Variants in FAM200B observed in about 807,000 individuals in gnomAD.
FAM200B encodes the protein zinc finger BED-type containing 11, also known as protein FAM200B.
FAM200B carries 32 observed loss-of-function variants against 33.1 expected under a neutral mutation model. The observed-to-expected ratio is 0.97, with a 90% CI of 0.73 to 1.30. FAM200B has a LOEUF of 1.30. FAM200B is among the 50% of genes most tolerant of loss of function. The probability of loss-of-function intolerance (pLI) is 0.00; values close to 1 mark genes in which losing one functional copy is unlikely to be tolerated. For missense variants in FAM200B, 741 were observed against 754.0 expected, an observed-to-expected ratio of 0.98 and a Z score of 0.20; for synonymous variants, 240 against 264.8, an observed-to-expected ratio of 0.91 and a Z score of 0.91.
chr4:15,658,064 T>C, the FAM200B span, among the ~76,000 whole-genome samples: 3 of 152,216 alleles, frequency 2.0e-5, no homozygotes, highest in African/African-American at 4.8e-5. Context: ...ATATAACTTA[T>C]TCTGTTATCA....
chr4:15,675,993 T>G, the FAM200B span, among the ~76,000 whole-genome samples: 17 of 151,892 alleles, frequency 1.1e-4, no homozygotes, highest in Admixed American at 1.0e-3. Flanking sequence ...TTAAAAGGAG[T>G]GAGAGGTGAA....
At chr4:15,686,043 A>G (rs574654210) in intron 1 of FAM200B, among the ~76,000 whole-genome samples, 193 bp from the exon 2 acceptor site, 1 of 152,210 alleles carries the variant, frequency 6.6e-6, no homozygotes, top group South Asian at 2.1e-4. Flanking sequence ...CTATTTTTCT[A>G]TTTACTAATC....
At chr4:15,684,047 A>G (rs1238022640) in intron 1 of FAM200B, among the ~76,000 whole-genome samples, 2 of 152,236 alleles carry the variant, frequency 1.3e-5, no homozygotes, top group Non-Finnish European at 2.9e-5. Context: ...CTTAATTGCA[A>G]TTCTTAAGGG....
the FAM200B span, among the ~76,000 whole-genome samples, chr4:15,655,878 G>A: frequency 6.6e-6 from 1 of 152,212 alleles, no homozygotes; most frequent in Non-Finnish European, 1.5e-5. Flanking sequence ...CCACTCAAAG[G>A]CCGGGCCTGG....
At position 15,687,532 on chromosome 4, in the gene FAM200B, T is replaced by C. The variant is rs1182741411; in HGVS notation, c.555T>C (p.Asp185=). 1 of 1,550,678 alleles carries C rather than the reference T, an allele frequency of 6.4e-7. No homozygotes were observed. Among genetic ancestry groups the C allele is most frequent in the Non-Finnish European group, 8.7e-7 (1 of 1,146,530 alleles). ...CLDMVRTIFD[D]KSADKLKTIP... is the part of the protein sequence containing the mutation. The stretch of plus-strand genomic sequence containing the variant: ...ATATGGTGCGTACAATATTTGATGA[T>C]AAATCAGCTGATAAATTAAAAACTA... The change falls in exon 2 of 2, where the codon GAT becomes GAC. Residue 185 remains aspartate, a synonymous_variant. Transcript: ENST00000422728.
Position 15,688,339 on chromosome 4 carries a change from C to G in FAM200B, c.1362C>G (p.Phe454Leu). Reference sequence around the variant, plus strand: ...TACAGGGGAAAAACAGTGATGTATTCCAACATGTTGAACGTATCCAGGGAT... The same window carrying G: ...TACAGGGGAAAAACAGTGATGTATTGCAACATGTTGAACGTATCCAGGGAT... Reference protein sequence around the residue: ...LKLQGKNSDVFQHVERIQGFR... With the variant: ...LKLQGKNSDVLQHVERIQGFR... Residue 454 changes from phenylalanine to leucine, a missense_variant, in exon 2 of 2, where the codon TTC (phenylalanine) becomes TTG (leucine). Phe to Leu is a conservative substitution (Grantham distance 22). Coordinates refer to ENST00000422728, the MANE Select transcript of FAM200B (RefSeq NM_001145191.2). 6.5e-7 allele frequency: 1 copy of G among 1,550,240 alleles called. No homozygotes were observed. Among genetic ancestry groups the G allele is most frequent in the African/African-American group, 1.4e-5 (1 of 73,104 alleles).
At chr4:15,665,644 C>T in the FAM200B span, among the ~76,000 whole-genome samples, 3 of 152,042 alleles carry the variant, frequency 2.0e-5, no homozygotes, top group African/African-American at 7.3e-5. Context: ...ATACTAGAGC[C>T]CCGACATGTT....
the FAM200B span, among the ~76,000 whole-genome samples, chr4:15,651,235 TA>T: frequency 6.6e-6 from 1 of 152,106 alleles, no homozygotes; most frequent in African/African-American, 2.4e-5. Context: ...CTGTTTTGCA[TA>T]AAATCATAGA....
Position 15,687,376 on chromosome 4 carries a change from A to G in FAM200B, c.399A>G (p.Thr133=), listed in dbSNP as rs1327014106. 3.2e-6 allele frequency: 5 copies of G among 1,547,124 alleles called. No homozygotes were observed. The East Asian group carries it at 1.2e-4, about 38-fold the overall frequency. Residue 133 remains threonine (T), a synonymous_variant, in exon 2 of 2, where the codon ACA becomes ACG. Coordinates refer to ENST00000422728, the MANE Select transcript of FAM200B (RefSeq NM_001145191.2). Reference sequence around the variant, plus strand: ...AGAAAAAAGACATAAAGTTATCAACACAATTTCTTAGTTGTTCTACTGCTG... The same window carrying G: ...AGAAAAAAGACATAAAGTTATCAACGCAATTTCTTAGTTGTTCTACTGCTG... ...QRKKKDIKLS[T]QFLSCSTAVS...
In FAM200B at chr4:15,687,849, G is replaced by A. The variant is rs1260471119; in HGVS notation, c.872G>A (p.Cys291Tyr). 5 of 1,551,152 alleles carry A rather than the reference G, an allele frequency of 3.2e-6. No homozygotes were observed. The Admixed American group carries it at 5.9e-5, about 18-fold the overall frequency. ...VGQYKLNWKN[C>Y]KGITSDGTAT... ...CAATATAAATTAAACTGGAAAAACT[G>A]TAAAGGAATTACAAGTGATGGCACA... Residue 291 changes from cysteine to tyrosine, a missense_variant, in exon 2 of 2, where the codon TGT becomes TAT. By Grantham distance (194) the Cys-to-Tyr change is radical. Coordinates refer to ENST00000422728, the MANE Select transcript of FAM200B (RefSeq NM_001145191.2).
intron 1 of FAM200B, chr4:15,685,054 T>C (rs1007243179): frequency 6.6e-6 from 1 of 152,112 alleles, no homozygotes; most frequent in Non-Finnish European, 1.5e-5. Context: ...GTCTGCAAAA[T>C]AATTGTATTA....
the FAM200B span, among the ~76,000 whole-genome samples, chr4:15,657,043 T>A: frequency 4.6e-5 from 7 of 152,188 alleles, no homozygotes; most frequent in Non-Finnish European, 7.4e-5. Context: ...AGAATAATAA[T>A]AAAATATTTG....
the FAM200B span, among the ~76,000 whole-genome samples, chr4:15,665,176 G>A: frequency 3.9e-5 from 6 of 152,140 alleles, no homozygotes; most frequent in South Asian, 2.1e-4. Context: ...AGCTGCCAAT[G>A]TAGGAAAGAA....
At chr4:15,669,648 A>G in the FAM200B span, among the ~76,000 whole-genome samples, 3 of 152,172 alleles carry the variant, frequency 2.0e-5, no homozygotes, top group South Asian at 4.1e-4. Flanking sequence ...CCCACAGAAA[A>G]TGTAACAAAA....
chr4:15,655,653 C>A, the FAM200B span, among the ~76,000 whole-genome samples: 459 of 152,336 alleles, frequency 3.0e-3, 3 homozygotes, highest in African/African-American at 0.011. Context: ...CGGCGCTTCT[C>A]CCGTTGCTGC....
At chr4:15,685,164 C>G (rs1718716615) in intron 1 of FAM200B, among the ~76,000 whole-genome samples, 1 of 151,934 alleles carries the variant, frequency 6.6e-6, no homozygotes, top group South Asian at 2.1e-4. Flanking sequence ...TAAAATGTAC[C>G]CAGGATTTAT....
the FAM200B span, among the ~76,000 whole-genome samples, chr4:15,669,524 C>A: frequency 5.3e-5 from 8 of 151,882 alleles, no homozygotes; most frequent in Admixed American, 5.2e-4. Context: ...GCAACAGAGA[C>A]CTTGTCTCAA....
At chr4:15,653,490 C>T in the FAM200B span, among the ~76,000 whole-genome samples, 2 of 152,062 alleles carry the variant, frequency 1.3e-5, no homozygotes, top group Non-Finnish European at 2.9e-5. Flanking sequence ...ATCTGGAAAT[C>T]GATGAAAGCT....
chr4:15,641,367 G>A, the FAM200B span, among the ~76,000 whole-genome samples: 1 of 151,996 alleles, frequency 6.6e-6, no homozygotes, highest in South Asian at 2.1e-4. Context: ...CCCTGCAACA[G>A]CAAGACCAAC....
Sources: allele counts gnomAD v4.1 joint callset (sites outside exome capture counted in the v4.1 genomes callset), GRCh38; gene constraint gnomAD v4.1.1; transcripts MANE v1.5; gene names NCBI Gene and HGNC (gene_info 2026-07-23, HGNC 2026-07-21).